The following ZNF763 variants were observed in gnomAD, a reference collection of about 807,000 sequenced individuals.
ZNF763 encodes the protein DNA-binding protein.
ZNF763 carries 33 observed loss-of-function variants against 38.0 expected under a neutral mutation model. The ratio of observed to expected loss-of-function variants is 0.87; its 90% confidence interval spans 0.66 to 1.16. ZNF763 has a LOEUF of 1.16. Ranked by LOEUF, ZNF763 falls within the 50% of genes most tolerant of loss-of-function variation. The pLI is 0.00. For missense variants in ZNF763, 423 were observed against 469.1 expected (o/e 0.90, Z 0.91); for synonymous variants, 155 against 160.1 (o/e 0.97, Z 0.24).
At chr19:11,968,151 TC>T (rs1275118213) in intron 1 of ZNF763, among the ~76,000 whole-genome samples, 3 of 152,142 alleles carry the variant, frequency 2.0e-5, no homozygotes, top group Non-Finnish European at 2.9e-5. Flanking sequence ...TTTCTCTGGC[TC>T]CCCTAGGCAC....
chr19:11,977,298 T>C, intron 2 of ZNF763, 73 bp from the exon 3 acceptor site: 1 of 1,605,926 alleles, frequency 6.2e-7, no homozygotes, highest in Non-Finnish European at 8.5e-7. Flanking sequence ...CAGTAAATCA[T>C]AGACATAGAA....
At position 11,980,205 on chromosome 19, in the gene ZNF763, C is replaced by T. The variant is rs954145452; in HGVS notation, c.*1096C>T. On this transcript the variant is annotated 3_prime_UTR_variant, in exon 4 of 4. Coordinates refer to ENST00000358987, the MANE Select transcript of ZNF763 (RefSeq NM_001367172.2). ...GACTGGCCTGATCAATATGATGAAA[C>T]CCCTGTCTCTACTAAAACTACAAAA... 4.3e-6 allele frequency: 2 copies of T among 461,064 alleles called. No individual in the cohort carries two copies. Among genetic ancestry groups the T allele is most frequent in the Non-Finnish European group, 7.7e-6 (2 of 259,468 alleles). 28.6% of individuals were successfully genotyped at this position (461,064 alleles called of 1,614,324 possible).
intron 1 of ZNF763, 24 bp downstream of exon 1, chr19:11,965,235 C>T (rs1973199016): frequency 6.2e-7 from 1 of 1,613,904 alleles, no homozygotes; most frequent in East Asian, 2.2e-5. Context: ...GCCGGTTGTC[C>T]CGAGACGGGG....
chr19:11,966,286 T>C (rs574466321), intron 1 of ZNF763, among the ~76,000 whole-genome samples: 1 of 152,310 alleles, frequency 6.6e-6, no homozygotes. Flanking sequence ...TGCCATCCTG[T>C]CATACAGAGG....
At chr19:11,966,782 T>A (rs986835546) in intron 1 of ZNF763, among the ~76,000 whole-genome samples, 1 of 152,170 alleles carries the variant, frequency 6.6e-6, no homozygotes, top group Admixed American at 6.6e-5. Flanking sequence ...GTTGCCTTAT[T>A]TGGACTTGTC....
intron 1 of ZNF763, among the ~76,000 whole-genome samples, chr19:11,976,067 C>G (rs1215113669): frequency 6.9e-6 from 1 of 145,926 alleles, no homozygotes; most frequent in African/African-American, 2.6e-5. Flanking sequence ...ATCTAGCATG[C>G]CGGATTTGGG....
rs1973553493 is a variant in ZNF763, at chr19:11,978,757, A to T, written c.833A>T (p.His278Leu). ...TCTTTTCAAGCACATAAAAGAACCC[A>T]CACTGGGGGAAAGCCATATGAATGT... is the stretch of plus-strand genomic sequence containing the variant. The part of the protein sequence containing the change: ...SSSFQAHKRT[H>L]TGGKPYECKQ... Residue 278 changes from histidine to leucine, a missense_variant, in exon 4 of 4, where the codon CAC becomes CTC. Coordinates refer to ENST00000358987, the MANE Select transcript of ZNF763 (RefSeq NM_001367172.2). The T allele has an allele frequency of 1.2e-6, 2 of 1,614,026 alleles. No homozygotes were observed.
At chr19:11,973,480 G>A (rs552236954) in intron 1 of ZNF763, among the ~76,000 whole-genome samples, 1 of 152,144 alleles carries the variant, frequency 6.6e-6, no homozygotes, top group Non-Finnish European at 1.5e-5. Context: ...TTCCCAGAGT[G>A]CTGGGATTCC....
In ZNF763 at chr19:11,979,074, A is replaced by G. The variant is rs775095792; in HGVS notation, c.1150A>G (p.Thr384Ala). 1.9e-6 allele frequency: 3 copies of G among 1,614,190 alleles called. No homozygotes were observed. In the Admixed American group the frequency reaches 5.0e-5, roughly 27 times the overall value. The stretch of plus-strand genomic sequence containing the variant: ...AGCATTATCTTATAAGTTTTCAAAC[A>G]CACCTAAGAATGCGCTCTGGAGAAA... ...GKALSYKFSN[T>A]PKNALWRKTL is the part of the protein sequence containing the mutation. The change falls in exon 4 of 4, where the codon ACA becomes GCA. Residue 384 changes from threonine to alanine, a missense_variant. Physicochemically the swap from Thr to Ala is moderately conservative, Grantham distance 58. Transcript: ENST00000358987.
chr19:11,972,665 A>G (rs1203393448), intron 1 of ZNF763, among the ~76,000 whole-genome samples: 1 of 152,206 alleles, frequency 6.6e-6, no homozygotes, highest in Non-Finnish European at 1.5e-5. Flanking sequence ...CCTTACATGG[A>G]ATGATAGTTA....
chr19:11,979,624 C>T lies in ZNF763; in HGVS notation c.*515C>T. On this transcript the variant is annotated 3_prime_UTR_variant, in exon 4 of 4. Transcript: ENST00000358987. ...AAAGGACTCACACTGGAGAGAAACC[C>T]TATGAGTGTAAGCAATGTGGGAAAG... 3 of 1,605,716 alleles carry T rather than the reference C, an allele frequency of 1.9e-6. No homozygotes were observed. Among genetic ancestry groups the T allele is most frequent in the Non-Finnish European group, 2.6e-6 (3 of 1,173,874 alleles).
At chr19:11,972,155 T>C (rs1268512751) in intron 1 of ZNF763, among the ~76,000 whole-genome samples, 2 of 151,940 alleles carry the variant, frequency 1.3e-5, no homozygotes, top group African/African-American at 4.8e-5. Flanking sequence ...CATGGTGATG[T>C]GTACCTGTAG....
In ZNF763 at chr19:11,980,225, A is replaced by C; in HGVS notation, c.*1116A>C. The stretch of plus-strand genomic sequence containing the variant: ...TGAAACCCCTGTCTCTACTAAAACT[A>C]CAAAAATTGGCCAGGCGTGGTGGCC... On this transcript the variant is annotated 3_prime_UTR_variant, in exon 4 of 4. Transcript: ENST00000358987. The C allele has an allele frequency of 2.5e-6, 1 of 401,984 alleles. No homozygotes were observed. The highest frequency in any genetic ancestry group is 4.5e-6 in the Non-Finnish European group (1 of 222,764). The allele number at this position is 401,984 out of a possible 1,614,324, so 24.9% of individuals were successfully genotyped here.
At chr19:11,966,017 T>C (rs1181549858) in intron 1 of ZNF763, among the ~76,000 whole-genome samples, 1 of 152,070 alleles carries the variant, frequency 6.6e-6, no homozygotes, top group Admixed American at 6.6e-5. Flanking sequence ...TAGGAAGGAA[T>C]GCTGAAGGAA....
chr19:11,968,288 C>G (rs1188630996), intron 1 of ZNF763, among the ~76,000 whole-genome samples: 1 of 152,044 alleles, frequency 6.6e-6, no homozygotes, highest in African/African-American at 2.4e-5. Flanking sequence ...ATGTCTAGCT[C>G]TGTGGCCCAG....
chr19:11,977,106 G>C lies in ZNF763; in HGVS notation c.72G>C (p.Ser24=), dbSNP rs376310072. ...AGGAGTGGGCTTTGCTGGATATTTC[G>C]CAGAGGAAACTCTACAGGGAAGTGA... ...TQEEWALLDI[S]QRKLYREVML... is the part of the protein sequence containing the mutation. The change falls in exon 2 of 4, where the codon TCG becomes TCC. Residue 24 remains serine, a synonymous_variant. Coordinates refer to ENST00000358987, the MANE Select transcript of ZNF763 (RefSeq NM_001367172.2). 740 of 1,600,720 alleles carry C rather than the reference G, an allele frequency of 4.6e-4. No individual in the cohort carries two copies. The highest frequency in any genetic ancestry group is 6.0e-4 in the Non-Finnish European group (706 of 1,167,804).
intron 1 of ZNF763, among the ~76,000 whole-genome samples, chr19:11,969,975 C>T (rs1973316707): frequency 6.6e-6 from 1 of 152,188 alleles, no homozygotes; most frequent in Admixed American, 6.5e-5. Flanking sequence ...ATCCCCACAA[C>T]TGCCATGTCT....
chr19:11,972,511 T>C lies in ZNF763; in HGVS notation c.4-4527T>C, dbSNP rs576722000. Among the ~76,000 whole-genome samples the C allele has an allele frequency of 1.2e-4, 19 of 152,264 alleles. 2 individuals carry two copies. The highest frequency in any genetic ancestry group is 4.3e-4 in the African/African-American group (18 of 41,518). ...AATCCAAATAATGATGGAGCCAGTA[T>C]TGGGAATAAGATAATTGCCTTACTT... On this transcript the variant is annotated intron_variant, in intron 1 of 3. Transcript: ENST00000358987.
chr19:11,966,177 T>G (rs1301057763), intron 1 of ZNF763, among the ~76,000 whole-genome samples: 2 of 152,228 alleles, frequency 1.3e-5, no homozygotes, highest in Non-Finnish European at 2.9e-5. Flanking sequence ...ACAAGGAGTC[T>G]GTTTTTCCAG....
Sources: gnomAD v4.1 joint callset for allele counts (sites outside exome capture counted in the v4.1 genomes callset) on GRCh38, gnomAD v4.1.1 for gene constraint, MANE v1.5 for transcripts, NCBI Gene and HGNC (gene_info 2026-07-23, HGNC 2026-07-21) for gene names.